Variants in CDH13 observed in about 807,000 individuals in gnomAD.
CDH13 encodes cadherin 13, also known as cadherin-13.
Under a neutral mutation model 63.8 loss-of-function variants are expected in CDH13, and 24 were observed. That is an observed-to-expected ratio of 0.38 (90% confidence interval 0.27 to 0.53). The LOEUF is 0.53. CDH13 is among the 20% of genes least tolerant of loss of function. The pLI, the probability that CDH13 is intolerant of heterozygous loss-of-function variation, is 0.85. For missense variants in CDH13, 1,049 were observed against 903.1 expected (o/e 1.16, Z -2.07); for synonymous variants, 503 against 355.3 (o/e 1.42, Z -4.67).
Position 82,930,957 on chromosome 16 carries a change from C to A in CDH13, c.157+72484C>A, listed in dbSNP as rs551736867. ...TGTTCGACTTGTGGCTTTGTCATTTCCCCACAGGGGCAGCTTCCGCTGGTT... is the reference window on the plus strand; with the variant it reads ...TGTTCGACTTGTGGCTTTGTCATTTACCCACAGGGGCAGCTTCCGCTGGTT... On this transcript the variant is annotated intron_variant, in intron 2 of 13. Coordinates refer to ENST00000567109, the MANE Select transcript of CDH13 (RefSeq NM_001257.5). 2.6e-4 allele frequency among the ~76,000 whole-genome samples: 40 copies of A among 152,360 alleles called. 1 individual carries two copies. The South Asian group carries it at 7.5e-3, about 28-fold the overall frequency.
intron 4 of CDH13, among the ~76,000 whole-genome samples, chr16:83,184,925 G>A (rs12933787): frequency 2.1e-5 from 3 of 144,430 alleles, no homozygotes; most frequent in Non-Finnish European, 3.0e-5. Flanking sequence ...GTGTGTAGTA[G>A]CAGCTTATTT....
At chr16:83,362,710 C>G (rs1047531219) in intron 6 of CDH13, among the ~76,000 whole-genome samples, 1 of 152,210 alleles carries the variant, frequency 6.6e-6, no homozygotes, top group African/African-American at 2.4e-5. Flanking sequence ...TACTGCATTT[C>G]CTCTGTCTCA....
At chr16:83,726,744 A>AGGGGAATGGCGTGAACCC (rs1272185952) in intron 10 of CDH13, among the ~76,000 whole-genome samples, 1 of 152,040 alleles carries the variant, frequency 6.6e-6, no homozygotes. Flanking sequence ...AGGCTGAGGC[A>AGGGGAATGGCGTGAACCC]GGGGAATGGC....
chr16:83,553,981 T>C (rs945533810), intron 7 of CDH13, among the ~76,000 whole-genome samples: 4 of 152,268 alleles, frequency 2.6e-5, no homozygotes, highest in Non-Finnish European at 5.9e-5. Flanking sequence ...GATTCTGCAG[T>C]GAACATTCTT....
chr16:83,269,498 G>T (rs1287134512), intron 5 of CDH13, among the ~76,000 whole-genome samples: 2 of 150,076 alleles, frequency 1.3e-5, no homozygotes, highest in African/African-American at 5.0e-5. Context: ...TTCTTAAACA[G>T]ATCTTAGAAT....
At chr16:83,681,311 C>G (rs1464116012) in intron 10 of CDH13, among the ~76,000 whole-genome samples, 3 of 152,190 alleles carry the variant, frequency 2.0e-5, no homozygotes, top group African/African-American at 7.2e-5. Context: ...TGCAGTGTGT[C>G]TCTGCAGCTG....
intron 1 of CDH13, among the ~76,000 whole-genome samples, chr16:82,815,915 C>A (rs1365303423): frequency 6.6e-6 from 1 of 152,194 alleles, no homozygotes; most frequent in Non-Finnish European, 1.5e-5. Flanking sequence ...GTCATTCTTT[C>A]TGAATGCAAG....
chr16:83,508,100 G>GGAAGGAAGGAAGGAAGGAAGGAAGGAA (rs1567722270), intron 7 of CDH13, among the ~76,000 whole-genome samples: 1 of 59,664 alleles, frequency 1.7e-5, no homozygotes, highest in Non-Finnish European at 3.4e-5. Context: ...AGGAAGGAAA[G>GGAAGGAAGGAAGGAAGGAAGGAAGGAA]AAGGAAGGAA....
At chr16:83,334,341 C>CCT (rs370037527) in intron 5 of CDH13, among the ~76,000 whole-genome samples, 531 of 109,196 alleles carry the variant, frequency 4.9e-3, no homozygotes, top group African/African-American at 5.8e-3. Context: ...TCCCTTTCTC[C>CCT]CTCTCTCTCT....
chr16:82,933,567 C>T (rs1335158728), intron 2 of CDH13, among the ~76,000 whole-genome samples: 1 of 152,186 alleles, frequency 6.6e-6, no homozygotes, highest in Non-Finnish European at 1.5e-5. Flanking sequence ...GCCTTCCCAA[C>T]AGTTTCCCAA....
At chr16:83,034,200 C>T (rs548310891) in intron 3 of CDH13, among the ~76,000 whole-genome samples, 1 of 152,096 alleles carries the variant, frequency 6.6e-6, no homozygotes. Context: ...GCTAATAACC[C>T]CTGGCTTAGC....
intron 5 of CDH13, among the ~76,000 whole-genome samples, chr16:83,228,148 G>A (rs2039897753): frequency 6.6e-6 from 1 of 152,188 alleles, no homozygotes; most frequent in African/African-American, 2.4e-5. Context: ...ACCCCTGACA[G>A]CTTTTCTCAA....
intron 7 of CDH13, among the ~76,000 whole-genome samples, chr16:83,586,285 G>A (rs1906150147): frequency 6.6e-6 from 1 of 152,190 alleles, no homozygotes; most frequent in South Asian, 2.1e-4. Flanking sequence ...GGCACAGGGC[G>A]CTGAGGCAGG....
rs143286028 is a variant in CDH13 at position 82,990,732 on chromosome 16, G to A, written c.158-41278G>A. Among the ~76,000 whole-genome samples, 594 of 152,054 alleles carry A rather than the reference G, an allele frequency of 3.9e-3. 3 individuals carry two copies. Among genetic ancestry groups the A allele is most frequent in the Middle Eastern group, 0.02 (6 of 294 alleles). On this transcript the variant is annotated intron_variant, in intron 2 of 13. Transcript: ENST00000567109. ...CAGCTATTTATTTATTTATTGTAGA[G>A]GTGGGGTCTTGCTATGTTGCCTAGG...
intron 2 of CDH13, among the ~76,000 whole-genome samples, chr16:82,896,832 G>A (rs538192716): frequency 1.6e-4 from 20 of 128,090 alleles, no homozygotes; most frequent in Non-Finnish European, 2.8e-4. Context: ...CCAGGCTGGA[G>A]TGTAGTGGTG....
chr16:83,191,302 C>A (rs546422543), intron 4 of CDH13, among the ~76,000 whole-genome samples: 9 of 147,102 alleles, frequency 6.1e-5, no homozygotes, highest in Non-Finnish European at 1.3e-4. Context: ...ACCTCTACTG[C>A]ATGCTTATGG....
intron 13 of CDH13, among the ~76,000 whole-genome samples, chr16:83,792,888 A>G (rs1691434776): frequency 6.6e-6 from 1 of 152,182 alleles, no homozygotes; most frequent in Non-Finnish European, 1.5e-5. Flanking sequence ...AAGTGTAATC[A>G]TTGTAAAAAT....
At chr16:82,723,136 G>C (rs892970197) in intron 1 of CDH13, 3 of 152,302 alleles carry the variant, frequency 2.0e-5, no homozygotes, top group African/African-American at 7.2e-5. Flanking sequence ...GTCTGGGGAA[G>C]GAGGGGTTCC....
At chr16:83,651,681 T>C (rs2150821116) in intron 8 of CDH13, among the ~76,000 whole-genome samples, 1 of 140,672 alleles carries the variant, frequency 7.1e-6, no homozygotes, top group Middle Eastern at 3.8e-3. Flanking sequence ...CTACAACCTC[T>C]GCCTCCCAGG....
Sources: gnomAD v4.1 joint callset for allele counts (sites outside exome capture counted in the v4.1 genomes callset) on GRCh38, gnomAD v4.1.1 for gene constraint, MANE v1.5 for transcripts, NCBI Gene and HGNC (gene_info 2026-07-23, HGNC 2026-07-21) for gene names.